DOK5: variants seen among roughly 807,000 people sequenced by gnomAD.
The protein encoded by DOK5 is docking protein 5, also known as downstream of tyrosine kinase 5.
A neutral mutation model predicts 43.3 loss-of-function variants in DOK5; 27 were observed. The ratio of observed to expected loss-of-function variants is 0.62; its 90% CI spans 0.46 to 0.86. The LOEUF (loss-of-function observed/expected upper bound fraction) is 0.86, where lower values mean the gene tolerates loss of function less well. Ranked by LOEUF, DOK5 falls within the 40% of genes least tolerant of loss-of-function variation. The probability of loss-of-function intolerance (pLI) is 0.00; values close to 1 mark genes in which losing one functional copy is unlikely to be tolerated. For missense variants in DOK5, 373 were observed against 392.9 expected (o/e 0.95, Z 0.43); for synonymous variants, 146 against 140.1 (o/e 1.04, Z -0.30).
intron 6 of DOK5, among the ~76,000 whole-genome samples, chr20:54,613,624 GTC>G (rs1986720062): frequency 6.6e-6 from 1 of 152,130 alleles, no homozygotes; most frequent in Non-Finnish European, 1.5e-5. Context: ...TCTATATATT[GTC>G]TCTTTAAATA....
At chr20:54,492,357 C>T (rs1042361323) in intron 1 of DOK5, among the ~76,000 whole-genome samples, 2 of 152,006 alleles carry the variant, frequency 1.3e-5, no homozygotes, top group Non-Finnish European at 1.5e-5. Context: ...TATACTTTGT[C>T]CCTTTTAACG....
intron 5 of DOK5, among the ~76,000 whole-genome samples, chr20:54,601,934 T>C (rs1986310089): frequency 6.6e-6 from 1 of 152,152 alleles, no homozygotes; most frequent in South Asian, 2.1e-4. Context: ...AAAGAAGAGG[T>C]TTATTTTATT....
intron 4 of DOK5, among the ~76,000 whole-genome samples, chr20:54,590,552 A>G (rs527702622): frequency 6.6e-6 from 1 of 152,260 alleles, no homozygotes; most frequent in African/African-American, 2.4e-5. Context: ...ACATTTTTAA[A>G]TATGATTACT....
chr20:54,643,712 G>C, intron 7 of DOK5, 134 bp downstream of exon 7: 3 of 1,179,874 alleles, frequency 2.5e-6, no homozygotes, highest in Non-Finnish European at 3.5e-6. Flanking sequence ...CCCCATCAAG[G>C]CCTCACACAC....
At chr20:54,530,343 C>A (rs534253283) in intron 1 of DOK5, among the ~76,000 whole-genome samples, 5 of 152,184 alleles carry the variant, frequency 3.3e-5, no homozygotes, top group Admixed American at 2.6e-4. Context: ...CAGAAGCAAC[C>A]TGCAAAGCTG....
intron 1 of DOK5, among the ~76,000 whole-genome samples, chr20:54,552,788 G>T (rs1021235950): frequency 3.2e-4 from 49 of 152,162 alleles, no homozygotes; most frequent in African/African-American, 1.1e-3. Flanking sequence ...CTTCGGAGTA[G>T]AGTGGATTTC....
chr20:54,525,421 A>G (rs969893229), intron 1 of DOK5, among the ~76,000 whole-genome samples: 3 of 152,248 alleles, frequency 2.0e-5, no homozygotes, highest in Non-Finnish European at 2.9e-5. Flanking sequence ...CAGAGAAAAC[A>G]TCCATTGAAG....
At chr20:54,602,509 A>G in intron 5 of DOK5, among the ~76,000 whole-genome samples, 1 of 152,160 alleles carries the variant, frequency 6.6e-6, no homozygotes, top group Non-Finnish European at 1.5e-5. Flanking sequence ...TTTTCCATTT[A>G]CTTTTTGATC....
At chr20:54,548,406 A>ATTT (rs956813498) in intron 1 of DOK5, among the ~76,000 whole-genome samples, 3 of 144,632 alleles carry the variant, frequency 2.1e-5, no homozygotes, top group African/African-American at 7.6e-5. Flanking sequence ...TAATTTTTGT[A>ATTT]TTTTTTTTTT....
At chr20:54,591,478 GA>G (rs1985971180) in intron 4 of DOK5, 137 bp from the exon 5 acceptor site, 1 of 589,370 alleles carries the variant, frequency 1.7e-6, no homozygotes, top group African/African-American at 1.9e-5. Flanking sequence ...TAATTAATAG[GA>G]AAGGTTTATC....
chr20:54,539,323 T>C (rs1366106673), intron 1 of DOK5, among the ~76,000 whole-genome samples: 1 of 147,470 alleles, frequency 6.8e-6, no homozygotes, highest in Non-Finnish European at 1.5e-5. Flanking sequence ...GAGAACAGAT[T>C]AGTGGTTCCA....
intron 1 of DOK5, among the ~76,000 whole-genome samples, chr20:54,511,285 G>C (rs1442292461): frequency 6.6e-6 from 1 of 152,158 alleles, no homozygotes; most frequent in African/African-American, 2.4e-5. Context: ...GGATACCATA[G>C]TGCCTGATAC....
chr20:54,608,664 C>T (rs756321775), intron 5 of DOK5, among the ~76,000 whole-genome samples: 90 of 137,048 alleles, frequency 6.6e-4, no homozygotes, highest in Non-Finnish European at 1.2e-3. Flanking sequence ...ATTTCTTCTT[C>T]TTCTTTTTTT....
intron 6 of DOK5, among the ~76,000 whole-genome samples, chr20:54,623,870 C>T (rs1247162395): frequency 2.0e-5 from 3 of 152,156 alleles, no homozygotes; most frequent in East Asian, 3.9e-4. Context: ...TGAGCCACTG[C>T]ACCCGGCCAG....
intron 6 of DOK5, among the ~76,000 whole-genome samples, chr20:54,611,652 A>G (rs1986655622): frequency 6.6e-6 from 1 of 152,240 alleles, no homozygotes; most frequent in Non-Finnish European, 1.5e-5. Flanking sequence ...ATGAATGCAC[A>G]ACACTTAAGT....
intron 1 of DOK5, among the ~76,000 whole-genome samples, chr20:54,526,449 A>C (rs1983579440): frequency 6.6e-6 from 1 of 152,184 alleles, no homozygotes; most frequent in Non-Finnish European, 1.5e-5. Context: ...TGGCAAGTGA[A>C]AGGAAACATG....
intron 6 of DOK5, among the ~76,000 whole-genome samples, chr20:54,611,693 T>C (rs138571371): frequency 4.0e-4 from 61 of 152,346 alleles, no homozygotes; most frequent in African/African-American, 1.4e-3. Flanking sequence ...GCTGCAAATG[T>C]ATATATAGAG....
At chr20:54,505,898 T>C (rs6023317) in intron 1 of DOK5, among the ~76,000 whole-genome samples, 4,999 of 152,264 alleles carry the variant, frequency 0.033, 275 homozygotes, top group African/African-American at 0.11. Flanking sequence ...AGGAGAGACC[T>C]GAAGATGCTT....
Position 54,588,796 on chromosome 20 carries a change from A to T in DOK5, c.399A>T (p.Arg133Ser). The change falls in exon 4 of 8, where the codon AGA (arginine) becomes AGT (serine). Residue 133 changes from arginine to serine, a missense_variant. By Grantham distance (110) the Arg-to-Ser change is moderately radical. Transcript: ENST00000262593. ...ACTTACTGGCCACTGGGGTTGAGAG[A>T]GAACAGAGTGGTATGTAAAGAAAAT... Reference protein sequence around the residue: ...EPDLLATGVEREQSERFNVYL... With the variant: ...EPDLLATGVESEQSERFNVYL... 6.2e-7 allele frequency: 1 copy of T among 1,613,940 alleles called. No individual in the cohort carries two copies. The highest frequency in any genetic ancestry group is 8.5e-7 in the Non-Finnish European group (1 of 1,179,864).
Sources: allele counts gnomAD v4.1 joint callset (sites outside exome capture counted in the v4.1 genomes callset), GRCh38; gene constraint gnomAD v4.1.1; transcripts MANE v1.5; gene names NCBI Gene and HGNC (gene_info 2026-07-23, HGNC 2026-07-21).